Variants in EYA2 observed in about 807,000 individuals in gnomAD.
EYA2 encodes EYA transcriptional coactivator and phosphatase 2.
Under a neutral mutation model 69.2 loss-of-function variants are expected in EYA2, and 31 were observed. The observed-to-expected ratio is 0.45, with a 90% CI of 0.34 to 0.60. The LOEUF (loss-of-function observed/expected upper bound fraction) is 0.60. Among genes scored for constraint, EYA2 ranks in the 20% least tolerant of loss-of-function variants. The pLI, the probability that EYA2 is intolerant of heterozygous loss-of-function variation, is 0.02. For missense variants in EYA2, 622 were observed against 701.2 expected (o/e 0.89, Z 1.28); for synonymous variants, 257 against 279.4 (o/e 0.92, Z 0.80).
chr20:47,088,690 C>T (rs1449343903), intron 7 of EYA2, among the ~76,000 whole-genome samples: 2 of 152,206 alleles, frequency 1.3e-5, no homozygotes, highest in South Asian at 2.1e-4. Flanking sequence ...TGGGCTCAAG[C>T]GACCCTCCTA....
At chr20:47,135,146 A>C (rs2146584902) in intron 9 of EYA2, among the ~76,000 whole-genome samples, 1 of 151,026 alleles carries the variant, frequency 6.6e-6, no homozygotes, top group Admixed American at 6.6e-5. Flanking sequence ...AAAAAAAAAA[A>C]AAACAGACAA....
intron 10 of EYA2, among the ~76,000 whole-genome samples, chr20:47,158,152 CA>C (rs2033993598): frequency 6.6e-6 from 1 of 151,954 alleles, no homozygotes; most frequent in Admixed American, 6.5e-5. Context: ...ATTTATTTGA[CA>C]CCTGCCCCTT....
intron 1 of EYA2, among the ~76,000 whole-genome samples, chr20:46,965,749 C>T (rs890725742): frequency 1.2e-4 from 19 of 152,248 alleles, no homozygotes; most frequent in Admixed American, 3.3e-4. Context: ...TGCCTTGGCT[C>T]CCGTCCGCCG....
At chr20:46,955,660 T>A (rs1164603661) in intron 1 of EYA2, among the ~76,000 whole-genome samples, 1 of 152,232 alleles carries the variant, frequency 6.6e-6, no homozygotes, top group Non-Finnish European at 1.5e-5. Flanking sequence ...TAGAGTTTTC[T>A]TTTTACAAAA....
chr20:47,004,970 C>T lies in EYA2; in HGVS notation c.184C>T (p.Pro62Ser). 2 of 1,614,144 alleles carry T rather than the reference C, an allele frequency of 1.2e-6. No individual in the cohort carries two copies. The highest frequency in any genetic ancestry group is 1.7e-6 in the Non-Finnish European group (2 of 1,179,996). ...RSCPRVLPRQPSTAMAAYGQT... is the reference protein window; with the variant it reads ...RSCPRVLPRQSSTAMAAYGQT... The stretch of plus-strand genomic sequence containing the variant: ...TTGCCCACGTGTCCTCCCCCGCCAG[C>T]CTTCCACAGCCATGGCAGCCTACGG... Residue 62 changes from proline (P) to serine (S), a missense_variant, in exon 4 of 16, where the codon CCT becomes TCT. Around this residue, in one of 2 missense-constraint regions of EYA2, gnomAD observed 365 missense variants for 349.7 expected, o/e 1.04. Coordinates refer to ENST00000327619, the MANE Select transcript of EYA2 (RefSeq NM_005244.5).
intron 1 of EYA2, among the ~76,000 whole-genome samples, chr20:46,960,784 C>A: frequency 6.6e-6 from 1 of 152,180 alleles, no homozygotes. Context: ...ACCGTCTGGC[C>A]GTTTACAGTA....
intron 9 of EYA2, chr20:47,117,570 T>C (rs1170588788): frequency 2.0e-6 from 2 of 985,232 alleles, no homozygotes; most frequent in Non-Finnish European, 2.4e-6. Flanking sequence ...CACAGGACTG[T>C]AGGGATTCAA....
In EYA2 at chr20:47,170,650, A is replaced by AC. The variant is rs1382731560; in HGVS notation, c.1037+1453_1037+1454insC. Among the ~76,000 whole-genome samples the AC allele has an allele frequency of 4.0e-5, 6 of 151,746 alleles. No homozygotes were observed. The East Asian group carries it at 1.2e-3, about 29-fold the overall frequency. On this transcript the variant is annotated intron_variant, in intron 11 of 15. Coordinates refer to ENST00000327619, the MANE Select transcript of EYA2 (RefSeq NM_005244.5). ...GTACAGAGCGAGACTCCGTCTCAAA[A>AC]AAAAAAAAAAAAGAGAGACAGCTTC... is the stretch of plus-strand genomic sequence containing the variant.
At chr20:47,098,928 G>A (rs748448933) in intron 9 of EYA2, among the ~76,000 whole-genome samples, 69 of 152,260 alleles carry the variant, frequency 4.5e-4, no homozygotes, top group Non-Finnish European at 8.4e-4. Context: ...GTTGTTTTTG[G>A]TCCTTGAACC....
intron 1 of EYA2, among the ~76,000 whole-genome samples, chr20:46,940,920 G>A (rs1004494816): frequency 3.3e-5 from 5 of 152,324 alleles, no homozygotes; most frequent in East Asian, 1.9e-4. Flanking sequence ...TTTGCCTGCC[G>A]GGCCCCTAGC....
chr20:47,129,003 A>G (rs1004058485), intron 9 of EYA2, among the ~76,000 whole-genome samples: 3 of 152,226 alleles, frequency 2.0e-5, no homozygotes, highest in South Asian at 2.1e-4. Flanking sequence ...ATGTGCCCAT[A>G]GTCCCAGCTA....
At position 46,911,953 on chromosome 20, in the gene EYA2, G is replaced by A. The variant is rs147650968; in HGVS notation, c.-11+16966G>A. Among the ~76,000 whole-genome samples, 198 of 152,304 alleles carry A rather than the reference G, an allele frequency of 1.3e-3. 1 individual carries two copies. Among genetic ancestry groups the A allele is most frequent in the African/African-American group, 4.7e-3 (195 of 41,556 alleles). ...AAGATTGAAATGTTCCCAACACAAA[G>A]CAATGTTAAATGTTTGAGGTGACGG... is the stretch of plus-strand genomic sequence containing the variant. On this transcript the variant is annotated intron_variant, in intron 1 of 15. Transcript: ENST00000327619.
chr20:46,946,098 C>A (rs1978437395), intron 1 of EYA2, among the ~76,000 whole-genome samples: 1 of 152,124 alleles, frequency 6.6e-6, no homozygotes, highest in South Asian at 2.1e-4. Context: ...GTCTCAGTGG[C>A]CTTGGTTGTC....
intron 9 of EYA2, among the ~76,000 whole-genome samples, chr20:47,128,541 A>C (rs2033256750): frequency 6.6e-6 from 1 of 152,182 alleles, no homozygotes; most frequent in Non-Finnish European, 1.5e-5. Context: ...AAAAAAAAAA[A>C]ATCTGGTGGT....
In EYA2 at chr20:47,089,391, A is replaced by AG; in HGVS notation, c.804+14dup. On this transcript the variant is annotated intron_variant, in intron 8 of 15. Transcript: ENST00000327619. ...GGACAATGAGATTGAGGTAATCCAAAGGGGCTCTGTGTGACCTGGTGAATG... is the reference window on the plus strand; with the variant it reads ...GGACAATGAGATTGAGGTAATCCAAAGGGGGCTCTGTGTGACCTGGTGAATG... 3.7e-6 allele frequency: 6 copies of AG among 1,609,914 alleles called. No homozygotes were observed. The highest frequency in any genetic ancestry group is 5.1e-6 in the Non-Finnish European group (6 of 1,177,822).
intron 5 of EYA2, among the ~76,000 whole-genome samples, chr20:47,017,203 T>A (rs904461771): frequency 2.6e-5 from 4 of 152,214 alleles, no homozygotes; most frequent in South Asian, 4.1e-4. Context: ...AGGGGGCTGG[T>A]GGCTGTAATT....
At position 46,999,577 on chromosome 20, in the gene EYA2, A is replaced by G. The variant is rs548117559; in HGVS notation, c.110-1851A>G. On this transcript the variant is annotated intron_variant, in intron 2 of 15. Transcript: ENST00000327619. The stretch of plus-strand genomic sequence containing the variant: ...AAGGGTTACACAATTCCTTCTTACT[A>G]TGGGCAATACCTGCTGCCATCGTAT... 2.0e-5 allele frequency among the ~76,000 whole-genome samples: 3 copies of G among 152,340 alleles called. No homozygotes were observed. In the South Asian group the frequency reaches 6.2e-4, roughly 32 times the overall value.
chr20:47,070,517 A>C (rs575391177), intron 5 of EYA2, among the ~76,000 whole-genome samples: 1 of 152,376 alleles, frequency 6.6e-6, no homozygotes, highest in East Asian at 1.9e-4. Context: ...CTTACCACAC[A>C]ACTCTGTAAT....
rs912288368 is a variant in EYA2, at chr20:47,109,173, T to G, written c.888+12005T>G. ...TCTCCCCCTGAAGAGACCTGATTGCTTCTACCCCTGTTGGCAACCAGCCAA... is the reference window on the plus strand; with the variant it reads ...TCTCCCCCTGAAGAGACCTGATTGCGTCTACCCCTGTTGGCAACCAGCCAA... On this transcript the variant is annotated intron_variant, in intron 9 of 15. Coordinates refer to ENST00000327619, the MANE Select transcript of EYA2 (RefSeq NM_005244.5). Among the ~76,000 whole-genome samples the G allele has an allele frequency of 2.0e-5, 3 of 152,174 alleles. No individual in the cohort carries two copies. In the South Asian group the frequency reaches 6.2e-4, roughly 32 times the overall value.
Sources: allele counts gnomAD v4.1 joint callset (sites outside exome capture counted in the v4.1 genomes callset), GRCh38; gene constraint gnomAD v4.1.1; regional missense constraint gnomAD v4.1.1; transcripts MANE v1.5; gene names NCBI Gene and HGNC (gene_info 2026-07-23, HGNC 2026-07-21).